BRINP2: variants seen among roughly 807,000 people sequenced by gnomAD.
BRINP2 encodes BMP/retinoic acid inducible neural specific 2.
BRINP2 carries 21 observed loss-of-function variants against 69.2 expected under a neutral mutation model. The observed-to-expected ratio is 0.30, with a 90% CI of 0.22 to 0.44. BRINP2 has a LOEUF of 0.44. Among genes scored for constraint, BRINP2 ranks in the 20% least tolerant of loss-of-function variants. The pLI is 1.00. For missense variants in BRINP2, 877 were observed against 986.0 expected (o/e 0.89, Z 1.48); for synonymous variants, 380 against 394.1 (o/e 0.96, Z 0.42).
chr1:177,173,866 G>A (rs563368503), intron 1 of BRINP2, among the ~76,000 whole-genome samples: 25 of 152,210 alleles, frequency 1.6e-4, no homozygotes, highest in Non-Finnish European at 2.1e-4. Flanking sequence ...AGACATCTGC[G>A]TGGGCACTTT....
rs559697605 is a variant in BRINP2 at position 177,268,659 on chromosome 1, A to G, written c.670-4829A>G. ...TCTATTGCAGAATTTGTCACTTTAC[A>G]TTGAGGATGTTTACATGCCTATCAC... On this transcript the variant is annotated intron_variant, in intron 4 of 7. Coordinates refer to ENST00000361539, the MANE Select transcript of BRINP2 (RefSeq NM_021165.4). Among the ~76,000 whole-genome samples the G allele has an allele frequency of 8.5e-5, 13 of 152,276 alleles. No homozygotes were observed. In the South Asian group the frequency reaches 2.7e-3, roughly 32 times the overall value.
At chr1:177,259,529 T>A (rs970511393) in intron 4 of BRINP2, among the ~76,000 whole-genome samples, 5 of 152,064 alleles carry the variant, frequency 3.3e-5, no homozygotes, top group East Asian at 1.9e-4. Context: ...TGGAAGAAGA[T>A]GACATTGAGG....
At chr1:177,250,910 AT>A (rs1271446564) in intron 2 of BRINP2, among the ~76,000 whole-genome samples, 15 of 152,218 alleles carry the variant, frequency 9.9e-5, no homozygotes, top group South Asian at 2.1e-4. Flanking sequence ...CAATTTCATC[AT>A]CTATAAAATG....
chr1:177,265,034 A>G (rs1405550822), intron 4 of BRINP2, among the ~76,000 whole-genome samples: 1 of 152,228 alleles, frequency 6.6e-6, no homozygotes, highest in Non-Finnish European at 1.5e-5. Context: ...TGGAGGCATC[A>G]TGCTACCTGA....
At chr1:177,260,605 C>A (rs1650915494) in intron 4 of BRINP2, among the ~76,000 whole-genome samples, 1 of 152,132 alleles carries the variant, frequency 6.6e-6, no homozygotes, top group Non-Finnish European at 1.5e-5. Flanking sequence ...ACAGCCACCC[C>A]AACCTTCAGC....
chr1:177,275,240 G>A (rs1371710516), intron 5 of BRINP2: 5 of 456,284 alleles, frequency 1.1e-5, no homozygotes, highest in South Asian at 3.1e-5. Context: ...ATGTTCTGCT[G>A]TAGGTAAACT....
intron 2 of BRINP2, among the ~76,000 whole-genome samples, chr1:177,234,758 C>A (rs1435813880): frequency 6.6e-6 from 1 of 152,172 alleles, no homozygotes; most frequent in African/African-American, 2.4e-5. Flanking sequence ...TCTGGGGATA[C>A]ATTAGAAGCC....
At chr1:177,199,877 C>A (rs1345386966) in intron 1 of BRINP2, among the ~76,000 whole-genome samples, 1 of 152,174 alleles carries the variant, frequency 6.6e-6, no homozygotes, top group Admixed American at 6.5e-5. Context: ...TGTAGAGAAT[C>A]TGACCACTTT....
chr1:177,280,305 TC>T, intron 7 of BRINP2, 106 bp from the exon 8 acceptor site: 1 of 1,170,346 alleles, frequency 8.5e-7, no homozygotes, highest in Non-Finnish European at 1.2e-6. Flanking sequence ...GATTTTATTT[TC>T]CTCATTGCCT....
intron 1 of BRINP2, among the ~76,000 whole-genome samples, chr1:177,209,430 G>C (rs1010226319): frequency 6.6e-6 from 1 of 152,104 alleles, no homozygotes; most frequent in Non-Finnish European, 1.5e-5. Flanking sequence ...TGAATCACCA[G>C]CACCAGTTCC....
At chr1:177,255,778 T>C in intron 2 of BRINP2, 141 bp from the exon 3 acceptor site, 2 of 849,712 alleles carry the variant, frequency 2.4e-6, no homozygotes, top group Non-Finnish European at 3.7e-6. Flanking sequence ...TTCCAGGCTC[T>C]GGGCACCTCC....
At chr1:177,225,308 C>T (rs772600944) in intron 1 of BRINP2, among the ~76,000 whole-genome samples, 5 of 152,104 alleles carry the variant, frequency 3.3e-5, no homozygotes, top group Non-Finnish European at 5.9e-5. Flanking sequence ...CTTGGTTTAC[C>T]TTTACGTTTT....
intron 1 of BRINP2, among the ~76,000 whole-genome samples, chr1:177,213,470 T>C (rs1649285338): frequency 1.3e-5 from 2 of 152,232 alleles, no homozygotes; most frequent in African/African-American, 4.8e-5. Context: ...CTGTCTTAAG[T>C]AAATTTTCTA....
At chr1:177,239,875 C>T (rs922659759) in intron 2 of BRINP2, among the ~76,000 whole-genome samples, 3 of 152,196 alleles carry the variant, frequency 2.0e-5, no homozygotes, top group Non-Finnish European at 2.9e-5. Context: ...CCAGCCATGT[C>T]TTCTCCATTG....
At chr1:177,256,854 T>A in intron 3 of BRINP2, 1 of 1,180,562 alleles carries the variant, frequency 8.5e-7, no homozygotes, top group Non-Finnish European at 1.1e-6. Flanking sequence ...AGACTCCTCG[T>A]AAACAACTTG....
chr1:177,176,554 T>TA (rs1648093665), intron 1 of BRINP2, among the ~76,000 whole-genome samples: 1 of 148,210 alleles, frequency 6.7e-6, no homozygotes, highest in Non-Finnish European at 1.5e-5. Context: ...TTATTATTAT[T>TA]TTTGGATAGT....
In BRINP2 at chr1:177,281,598, C is replaced by G; in HGVS notation, c.*70C>G. The G allele has an allele frequency of 6.7e-7, 1 of 1,503,562 alleles. No homozygotes were observed. Among genetic ancestry groups the G allele is most frequent in the Non-Finnish European group, 8.8e-7 (1 of 1,130,636 alleles). The allele number at this position is 1,503,562 out of a possible 1,614,324, so 93.1% of individuals were successfully genotyped here. On this transcript the variant is annotated 3_prime_UTR_variant, in exon 8 of 8. Transcript: ENST00000361539. Reference sequence around the variant, plus strand: ...CTGGGGTACAAAGATAATCTAAGCCCTCACCTTAGTGCCAACAGGGTGTGC... The same window carrying G: ...CTGGGGTACAAAGATAATCTAAGCCGTCACCTTAGTGCCAACAGGGTGTGC...
At chr1:177,248,435 T>TTGTG (rs138306668) in intron 2 of BRINP2, among the ~76,000 whole-genome samples, 20 of 147,364 alleles carry the variant, frequency 1.4e-4, no homozygotes, top group Non-Finnish European at 1.5e-4. Context: ...GAGGTACAGT[T>TTGTG]TGTGTGTGTG....
chr1:177,254,362 A>G (rs1230960673), intron 2 of BRINP2, among the ~76,000 whole-genome samples: 1 of 145,572 alleles, frequency 6.9e-6, no homozygotes, highest in Admixed American at 6.9e-5. Flanking sequence ...TTGCACCTAA[A>G]CACATAAGCA....
Sources: gnomAD v4.1 joint callset for allele counts (sites outside exome capture counted in the v4.1 genomes callset) on GRCh38, gnomAD v4.1.1 for gene constraint, MANE v1.5 for transcripts, NCBI Gene and HGNC (gene_info 2026-07-23, HGNC 2026-07-21) for gene names.